BICC1: variants seen among roughly 807,000 people sequenced by gnomAD.
BICC1 encodes protein bicaudal C homolog 1.
Under a neutral mutation model 111.0 loss-of-function variants are expected in BICC1, and 43 were observed. That is an observed-to-expected ratio of 0.39 (90% confidence interval 0.30 to 0.50). BICC1 has a LOEUF of 0.50. Ranked by LOEUF, BICC1 falls within the 20% of genes least tolerant of loss-of-function variation. The pLI is 0.88. For synonymous variants in BICC1, 467 were observed against 434.4 expected, an observed-to-expected ratio of 1.07 and a Z score of -0.93; for missense variants, 1,091 against 1,203.2, an observed-to-expected ratio of 0.91 and a Z score of 1.38.
chr10:58,583,325 C>G (rs7474570), intron 1 of BICC1, among the ~76,000 whole-genome samples: 70,569 of 151,744 alleles, frequency 0.47, 17,362 homozygotes, highest in Admixed American at 0.63. Flanking sequence ...CTTGGTGTAC[C>G]CATCACCCAA....
intron 15 of BICC1, among the ~76,000 whole-genome samples, chr10:58,803,533 A>C (rs1011960309): frequency 2.0e-5 from 3 of 152,190 alleles, no homozygotes; most frequent in African/African-American, 4.8e-5. Flanking sequence ...AAAAATTTTC[A>C]GATGAGTTTG....
intron 3 of BICC1, chr10:58,716,092 A>C: frequency 6.7e-7 from 1 of 1,493,136 alleles, no homozygotes. Context: ...CAGCAAAAAG[A>C]GAAAGATGTA....
intron 2 of BICC1, among the ~76,000 whole-genome samples, chr10:58,639,041 A>C (rs977058734): frequency 2.0e-5 from 3 of 152,012 alleles, no homozygotes; most frequent in Admixed American, 1.3e-4. Context: ...AAATCAAGCT[A>C]ATTAACGTAT....
At chr10:58,614,524 G>T (rs12784509) in intron 1 of BICC1, among the ~76,000 whole-genome samples, 2 of 152,058 alleles carry the variant, frequency 1.3e-5, no homozygotes, top group African/African-American at 4.8e-5. Flanking sequence ...CTTCTTGCCT[G>T]CTGTTTTCCC....
At chr10:58,816,792 T>A (rs1022997352) in intron 18 of BICC1, among the ~76,000 whole-genome samples, 1 of 140,506 alleles carries the variant, frequency 7.1e-6, no homozygotes, top group African/African-American at 2.7e-5. Context: ...TGTGTGTGTG[T>A]GTGACTTACT....
At chr10:58,601,039 A>G (rs1845007635) in intron 1 of BICC1, among the ~76,000 whole-genome samples, 1 of 150,504 alleles carries the variant, frequency 6.6e-6, no homozygotes, top group Non-Finnish European at 1.5e-5. Flanking sequence ...TTTCTCACAA[A>G]TGGATAATTT....
chr10:58,596,907 C>A (rs1172479640), intron 1 of BICC1, among the ~76,000 whole-genome samples: 5 of 152,098 alleles, frequency 3.3e-5, no homozygotes, highest in Admixed American at 2.6e-4. Context: ...TAGGAGAGGA[C>A]ACAAACAAAT....
At chr10:58,759,094 G>C (rs1313501657) in intron 3 of BICC1, among the ~76,000 whole-genome samples, 1 of 151,902 alleles carries the variant, frequency 6.6e-6, no homozygotes, top group Non-Finnish European at 1.5e-5. Flanking sequence ...TGAGTAGCTG[G>C]GATTACAGGT....
At chr10:58,689,253 A>G (rs1839844435) in intron 2 of BICC1, among the ~76,000 whole-genome samples, 1 of 152,138 alleles carries the variant, frequency 6.6e-6, no homozygotes, top group African/African-American at 2.4e-5. Context: ...ATGTGGTAAG[A>G]GAAAGAGAGA....
intron 2 of BICC1, among the ~76,000 whole-genome samples, chr10:58,631,940 T>C (rs759521981): frequency 4.6e-5 from 7 of 152,218 alleles, no homozygotes; most frequent in Non-Finnish European, 8.8e-5. Flanking sequence ...GATTCATGTG[T>C]AAATCAGTAG....
chr10:58,814,317 T>C (rs2132943067), intron 18 of BICC1: 1 of 590,932 alleles, frequency 1.7e-6, no homozygotes, highest in East Asian at 2.8e-5. Context: ...GAAGTGTCCA[T>C]GTGTCAAGTA....
intron 1 of BICC1, among the ~76,000 whole-genome samples, chr10:58,617,220 C>T (rs1038308511): frequency 2.0e-5 from 3 of 152,216 alleles, no homozygotes; most frequent in Non-Finnish European, 2.9e-5. Flanking sequence ...GGGCTACAGT[C>T]GTCGTGCGGA....
intron 2 of BICC1, among the ~76,000 whole-genome samples, chr10:58,646,936 G>T (rs1211678750): frequency 6.6e-6 from 1 of 151,468 alleles, no homozygotes; most frequent in African/African-American, 2.4e-5. Context: ...TTTCCTTTCT[G>T]TTTTTAAGTA....
At chr10:58,639,962 A>T (rs1205398932) in intron 2 of BICC1, among the ~76,000 whole-genome samples, 1 of 152,014 alleles carries the variant, frequency 6.6e-6, no homozygotes, top group African/African-American at 2.4e-5. Context: ...TAATCTTCTC[A>T]AATGCAGTGT....
At chr10:58,675,929 G>A (rs937876769) in intron 2 of BICC1, among the ~76,000 whole-genome samples, 5 of 152,234 alleles carry the variant, frequency 3.3e-5, no homozygotes, top group African/African-American at 9.6e-5. Context: ...TTCCAACTGA[G>A]GTACCCGGTT....
chr10:58,795,097 A>G (rs1394806507), intron 9 of BICC1, among the ~76,000 whole-genome samples: 1 of 152,236 alleles, frequency 6.6e-6, no homozygotes, highest in Non-Finnish European at 1.5e-5. Flanking sequence ...GAACAAAGTA[A>G]ACAAGGGAGA....
chr10:58,614,239 A>G (rs770821794), intron 1 of BICC1, among the ~76,000 whole-genome samples: 7 of 152,102 alleles, frequency 4.6e-5, no homozygotes, highest in Non-Finnish European at 1.0e-4. Context: ...GGTCAGTGAA[A>G]GTCCTTCAGG....
chr10:58,584,127 G>A (rs1163221988), intron 1 of BICC1, among the ~76,000 whole-genome samples: 1 of 151,078 alleles, frequency 6.6e-6, no homozygotes, highest in Admixed American at 6.6e-5. Context: ...TCTCACCTGC[G>A]CTATGTTGAC....
intron 3 of BICC1, among the ~76,000 whole-genome samples, chr10:58,723,274 C>G (rs1410925507): frequency 2.0e-5 from 3 of 152,194 alleles, no homozygotes; most frequent in Admixed American, 6.5e-5. Flanking sequence ...TAAATTCCCT[C>G]TACTTTCCTC....
Sources: gnomAD v4.1 joint callset for allele counts (sites outside exome capture counted in the v4.1 genomes callset) on GRCh38, gnomAD v4.1.1 for gene constraint, MANE v1.5 for transcripts, NCBI Gene and HGNC (gene_info 2026-07-23, HGNC 2026-07-21) for gene names.